TIMM23: variants seen among roughly 807,000 people sequenced by gnomAD.
The protein encoded by TIMM23 is translocase of inner mitochondrial membrane 23, also known as mitochondrial import inner membrane translocase subunit Tim23.
Under a neutral mutation model 30.7 loss-of-function variants are expected in TIMM23, and 19 were observed. That is an observed-to-expected ratio of 0.62 (90% CI 0.43 to 0.91). The LOEUF is 0.91. Among genes scored for constraint, TIMM23 ranks in the 40% least tolerant of loss-of-function variants. The probability of loss-of-function intolerance (pLI) is 0.00; values close to 1 mark genes in which losing one functional copy is unlikely to be tolerated. For synonymous variants in TIMM23, 78 were observed against 98.5 expected, an observed-to-expected ratio of 0.79 and a Z score of 1.23; for missense variants, 202 against 269.2, an observed-to-expected ratio of 0.75 and a Z score of 1.75.
intron 2 of TIMM23, among the ~76,000 whole-genome samples, chr10:45,981,000 C>T (rs1554913918): frequency 1.4e-5 from 2 of 139,474 alleles, no homozygotes; most frequent in South Asian, 4.6e-4. Flanking sequence ...AGTGCAGTGG[C>T]GTGATCTCAG....
rs200046848 is a variant in TIMM23, at chr10:46,003,299, T to C, written c.611T>C (p.Leu204Ser). Reference protein sequence around the residue: ...YNNWEHMKGSLLQQSL With the variant: ...YNNWEHMKGSSLQQSL ...AACTGGGAGCACATGAAAGGCTCCT[T>C]GCTCCAACAGTCACTCTGAAGATTT... is the stretch of plus-strand genomic sequence containing the variant. The change falls in exon 7 of 7, where the codon TTG becomes TCG. Residue 204 changes from leucine to serine, a missense_variant. Leu to Ser is a moderately radical substitution (Grantham distance 145). Transcript: ENST00000580018. 1,159 of 1,613,916 alleles carry C rather than the reference T, an allele frequency of 7.2e-4. 1 individual carries two copies. Among genetic ancestry groups the C allele is most frequent in the Non-Finnish European group, 9.5e-4 (1,118 of 1,179,780 alleles).
intron 6 of TIMM23, chr10:46,002,546 G>A (rs1554917873): frequency 2.1e-6 from 2 of 969,124 alleles, no homozygotes; most frequent in African/African-American, 3.5e-5. Context: ...CAAATAGGGT[G>A]TCACCTTGTT....
At position 45,982,895 on chromosome 10, in the gene TIMM23, C is replaced by G. The variant is rs1449276202; in HGVS notation, c.309C>G (p.Thr103=). The change falls in exon 4 of 7, where the codon ACC becomes ACG. Residue 103 remains threonine (T), a synonymous_variant. Transcript: ENST00000580018. Reference sequence around the variant, plus strand: ...GTCTTCGGCTAGGATTGAAGGAAACCCAGAACATGGCCTGGTCCAAACCAA... The same window carrying G: ...GTCTTCGGCTAGGATTGAAGGAAACGCAGAACATGGCCTGGTCCAAACCAA... ...MNGLRLGLKE[T]QNMAWSKPRN... is the part of the protein sequence containing the mutation. 4,204 of 1,613,734 alleles carry G rather than the reference C, an allele frequency of 2.6e-3. 30 individuals are homozygous for G. The highest frequency in any genetic ancestry group is 0.014 in the East Asian group (634 of 44,868).
intron 6 of TIMM23, among the ~76,000 whole-genome samples, chr10:45,994,863 T>C (rs1241885096): frequency 1.1e-4 from 16 of 152,288 alleles, no homozygotes; most frequent in South Asian, 2.1e-4. Context: ...TTAGAGTGCC[T>C]AAGGTCATTT....
chr10:45,993,499 A>T (rs1247019271), intron 6 of TIMM23, among the ~76,000 whole-genome samples: 3 of 151,924 alleles, frequency 2.0e-5, no homozygotes, highest in African/African-American at 4.8e-5. Flanking sequence ...GGTTGCAGTG[A>T]GCAGAGATCG....
intron 6 of TIMM23, chr10:45,998,474 C>T (rs957610884): frequency 1.3e-6 from 1 of 790,278 alleles, no homozygotes; most frequent in African/African-American, 1.9e-5. Flanking sequence ...CTGTTCAAAG[C>T]AAGTACCTTT....
chr10:45,974,838 G>A (rs1159884816), intron 1 of TIMM23, among the ~76,000 whole-genome samples: 1 of 151,952 alleles, frequency 6.6e-6, no homozygotes, highest in African/African-American at 2.4e-5. Context: ...GATACAGAAG[G>A]ATCCAAAGAT....
At chr10:45,987,443 T>G in intron 5 of TIMM23, among the ~76,000 whole-genome samples, 1 of 152,062 alleles carries the variant, frequency 6.6e-6, no homozygotes. Context: ...TGAGCCCCAC[T>G]TTGGATACTT....
chr10:45,983,071 A>C, intron 4 of TIMM23, 141 bp downstream of exon 4: 3 of 1,228,552 alleles, frequency 2.4e-6, no homozygotes, highest in South Asian at 2.9e-5. Flanking sequence ...TCTTAATCAA[A>C]ATAAAAGCAA....
chr10:45,997,040 A>G (rs1324732630), intron 6 of TIMM23, among the ~76,000 whole-genome samples: 5,251 of 149,962 alleles, frequency 0.035, 316 homozygotes, highest in African/African-American at 0.12. Flanking sequence ...GAGCCCAGGA[A>G]TTGGAGACTA....
chr10:45,975,257 C>T (rs587738506), intron 1 of TIMM23, among the ~76,000 whole-genome samples, 197 bp from the exon 2 acceptor site: 1 of 152,250 alleles, frequency 6.6e-6, no homozygotes, highest in African/African-American at 2.4e-5. Flanking sequence ...CAGTGGAAGA[C>T]CTGGTTTGGG....
intron 6 of TIMM23, among the ~76,000 whole-genome samples, chr10:45,993,261 T>TTTTTTTTTTTTTTGG (rs1838224932): frequency 6.8e-6 from 1 of 146,484 alleles, no homozygotes; most frequent in Non-Finnish European, 1.5e-5. Flanking sequence ...TTTTTTTTTT[T>TTTTTTTTTTTTTTGG]GGAGACTGAG....
chr10:45,997,617 C>T (rs1751877317), intron 6 of TIMM23, among the ~76,000 whole-genome samples: 1 of 152,088 alleles, frequency 6.6e-6, no homozygotes, highest in Non-Finnish European at 1.5e-5. Context: ...TTCAAGACCA[C>T]TCTAGGTAAT....
At chr10:45,985,558 A>G in intron 5 of TIMM23, 117 bp downstream of exon 5, 1 of 1,241,582 alleles carries the variant, frequency 8.1e-7, no homozygotes, top group Non-Finnish European at 1.2e-6. Flanking sequence ...GTTTAAACCC[A>G]TTCCAATGCA....
chr10:45,986,691 A>G (rs1468222271), intron 5 of TIMM23, among the ~76,000 whole-genome samples: 1 of 152,342 alleles, frequency 6.6e-6, no homozygotes, highest in East Asian at 1.9e-4. Context: ...CTGCAAGAGC[A>G]TAGAAGGATG....
At chr10:45,995,794 G>T (rs1554916603) in intron 6 of TIMM23, among the ~76,000 whole-genome samples, 1 of 112,264 alleles carries the variant, frequency 8.9e-6, no homozygotes. Flanking sequence ...GAGCTCTTAC[G>T]GATAAAGTTT....
intron 1 of TIMM23, among the ~76,000 whole-genome samples, 180 bp from the exon 2 acceptor site, chr10:45,975,274 G>A (rs1554912763): frequency 1.9e-4 from 29 of 152,178 alleles, no homozygotes; most frequent in African/African-American, 6.5e-4. Flanking sequence ...TGGGATTGAG[G>A]GTCTCAGGAT....
At chr10:45,994,354 AAAAT>A (rs1838263292) in intron 6 of TIMM23, among the ~76,000 whole-genome samples, 1 of 150,540 alleles carries the variant, frequency 6.6e-6, no homozygotes, top group Admixed American at 6.7e-5. Context: ...AATAAAAATA[AAAAT>A]AAATAAATGA....
At chr10:45,994,792 T>C (rs1270401553) in intron 6 of TIMM23, among the ~76,000 whole-genome samples, 1 of 151,736 alleles carries the variant, frequency 6.6e-6, no homozygotes, top group Admixed American at 6.6e-5. Context: ...GGATTGGAAA[T>C]AGTTTAGATC....
Sources: allele counts gnomAD v4.1 joint callset (sites outside exome capture counted in the v4.1 genomes callset), GRCh38; gene constraint gnomAD v4.1.1; transcripts MANE v1.5; gene names NCBI Gene and HGNC (gene_info 2026-07-23, HGNC 2026-07-21).